Variants in SLC2A9 observed in about 807,000 individuals in gnomAD.
SLC2A9 encodes the protein solute carrier family 2, facilitated glucose transporter member 9.
Under a neutral mutation model 50.6 loss-of-function variants are expected in SLC2A9, and 39 were observed. The ratio of observed to expected loss-of-function variants is 0.77; its 90% CI spans 0.60 to 1.01. The LOEUF is 1.01. Ranked by LOEUF, SLC2A9 falls within the 50% of genes least tolerant of loss-of-function variation. The pLI, the probability that SLC2A9 is intolerant of heterozygous loss-of-function variation, is 0.00. For missense variants in SLC2A9, 686 were observed against 677.6 expected (o/e 1.01, Z -0.14); for synonymous variants, 324 against 276.9 (o/e 1.17, Z -1.69).
intron 5 of SLC2A9, among the ~76,000 whole-genome samples, chr4:9,966,093 CA>C (rs1211260864): frequency 6.6e-6 from 1 of 152,122 alleles, no homozygotes; most frequent in Non-Finnish European, 1.5e-5. Context: ...TTTTGCCTAT[CA>C]AATACCAAAG....
chr4:10,012,072 A>G (rs929168557), intron 2 of SLC2A9, among the ~76,000 whole-genome samples: 1 of 152,276 alleles, frequency 6.6e-6, no homozygotes, highest in Non-Finnish European at 1.5e-5. Context: ...TAACTGCTTT[A>G]TCTCTACATA....
At chr4:9,940,480 G>C (rs1206834370) in intron 6 of SLC2A9, among the ~76,000 whole-genome samples, 1 of 152,168 alleles carries the variant, frequency 6.6e-6, no homozygotes, top group Non-Finnish European at 1.5e-5. Context: ...AGAAAAGAGG[G>C]CTCAAGTCCC....
At chr4:9,819,846 A>G (rs1724160266) in intron 3 of SLC2A9, among the ~76,000 whole-genome samples, 1 of 152,226 alleles carries the variant, frequency 6.6e-6, no homozygotes, top group Non-Finnish European at 1.5e-5. Flanking sequence ...TGGCAGGAGA[A>G]TCGCTTGAAC....
At chr4:9,916,108 G>C (rs554603255) in intron 7 of SLC2A9, among the ~76,000 whole-genome samples, 5 of 152,106 alleles carry the variant, frequency 3.3e-5, no homozygotes, top group African/African-American at 9.7e-5. Context: ...TAGAGAAAGC[G>C]TAAGAAATCT....
At chr4:9,885,162 A>C (rs1735954376) in intron 10 of SLC2A9, among the ~76,000 whole-genome samples, 3 of 152,222 alleles carry the variant, frequency 2.0e-5, no homozygotes, top group Admixed American at 2.0e-4. Flanking sequence ...CTGCACATGT[A>C]TCCCGGAACT....
intron 11 of SLC2A9, among the ~76,000 whole-genome samples, chr4:9,834,540 C>T (rs12644471): frequency 0.14 from 21,892 of 152,042 alleles, 1,972 homozygotes; most frequent in African/African-American, 0.25. Flanking sequence ...TGCACTGGAA[C>T]TATTAGATGG....
intron 8 of SLC2A9, among the ~76,000 whole-genome samples, chr4:9,907,085 G>A (rs1243620252): frequency 6.6e-6 from 1 of 152,244 alleles, no homozygotes; most frequent in Non-Finnish European, 1.5e-5. Flanking sequence ...CATCAATCTT[G>A]TCAGTGCAAA....
At chr4:9,889,579 G>A (rs529578968) in intron 9 of SLC2A9, among the ~76,000 whole-genome samples, 13 of 152,182 alleles carry the variant, frequency 8.5e-5, no homozygotes, top group African/African-American at 3.1e-4. Flanking sequence ...CCTCCTGCCG[G>A]TCAGCGTGCT....
chr4:9,890,042 T>C (rs1351741969), intron 9 of SLC2A9, among the ~76,000 whole-genome samples: 2 of 152,214 alleles, frequency 1.3e-5, no homozygotes, highest in South Asian at 4.1e-4. Flanking sequence ...GTGCTTTCAG[T>C]GCATTTTCTC....
chr4:9,993,385 G>A (rs1476952087), intron 3 of SLC2A9, among the ~76,000 whole-genome samples: 1 of 152,206 alleles, frequency 6.6e-6, no homozygotes, highest in Non-Finnish European at 1.5e-5. Context: ...GTTGGTGATG[G>A]TGAAGATGAT....
intron 10 of SLC2A9, chr4:9,879,794 G>A (rs78284941): frequency 0.017 from 16,736 of 985,426 alleles, 153 homozygotes; most frequent in Admixed American, 0.021. Context: ...TTTTGGCAAC[G>A]ATCTTCTTTT....
At chr4:9,876,951 A>C (rs1734402962) in intron 10 of SLC2A9, among the ~76,000 whole-genome samples, 1 of 152,208 alleles carries the variant, frequency 6.6e-6, no homozygotes, top group Admixed American at 6.5e-5. Context: ...AGTTTTTCAA[A>C]AATTATGACT....
intron 3 of SLC2A9, chr4:9,781,584 G>T (rs187411304): frequency 0.012 from 1,859 of 158,088 alleles, 16 homozygotes; most frequent in Non-Finnish European, 0.019. Flanking sequence ...CGGAGGCTCG[G>T]GGGGCGGGAC....
At chr4:9,808,813 C>T (rs1722469371) in intron 3 of SLC2A9, among the ~76,000 whole-genome samples, 1 of 152,162 alleles carries the variant, frequency 6.6e-6, no homozygotes, top group African/African-American at 2.4e-5. Flanking sequence ...CTCCTCTGTC[C>T]TATGTGGACT....
At chr4:9,789,161 C>T (rs1340548220) in intron 3 of SLC2A9, among the ~76,000 whole-genome samples, 6 of 152,152 alleles carry the variant, frequency 3.9e-5, no homozygotes, top group Non-Finnish European at 7.3e-5. Context: ...CATCACCTCT[C>T]GTTCAAATCT....
chr4:9,910,748 C>T (rs913165386), intron 7 of SLC2A9, among the ~76,000 whole-genome samples: 2 of 152,176 alleles, frequency 1.3e-5, no homozygotes, highest in Non-Finnish European at 2.9e-5. Flanking sequence ...TTCAATTCTC[C>T]CCATAGAGAC....
intron 10 of SLC2A9, among the ~76,000 whole-genome samples, chr4:9,836,167 G>T (rs1003197238): frequency 2.0e-5 from 3 of 151,102 alleles, no homozygotes; most frequent in Non-Finnish European, 4.4e-5. Flanking sequence ...TGGGAGGGGG[G>T]TGAGTTATAA....
chr4:9,831,675 TGA>T (rs898209937), intron 11 of SLC2A9, among the ~76,000 whole-genome samples: 2 of 152,110 alleles, frequency 1.3e-5, no homozygotes, highest in Non-Finnish European at 2.9e-5. Flanking sequence ...GGACATAGCT[TGA>T]GTTCTGGTGC....
At position 10,039,009 on chromosome 4, in the gene SLC2A9, T is replaced by C. The variant is rs539557149; in HGVS notation, c.-41+1121A>G. On this transcript the variant is annotated intron_variant, in intron 1 of 12. Coordinates refer to the SLC2A9 transcript ENST00000309065. ...GTGTAGAAGCAGCCGTAGACAATGGTTAAACAGATGTGCATGATTGTGTTC... is the reference window on the plus strand; with the variant it reads ...GTGTAGAAGCAGCCGTAGACAATGGCTAAACAGATGTGCATGATTGTGTTC... Among the ~76,000 whole-genome samples, 7 of 152,340 alleles carry C rather than the reference T, an allele frequency of 4.6e-5. No individual in the cohort carries two copies. In the East Asian group the frequency reaches 1.4e-3, roughly 29 times the overall value.
Sources: allele counts gnomAD v4.1 joint callset (sites outside exome capture counted in the v4.1 genomes callset), GRCh38; gene constraint gnomAD v4.1.1; transcripts MANE v1.5; gene names NCBI Gene and HGNC (gene_info 2026-07-23, HGNC 2026-07-21).